The following PCDH9 variants were observed in gnomAD, a reference collection of about 807,000 sequenced individuals.
PCDH9 encodes the protein protocadherin-9.
In PCDH9, 24 loss-of-function variants were observed where a neutral mutation model predicts 70.6. That is an observed-to-expected ratio of 0.34 (90% CI 0.25 to 0.48). The LOEUF (loss-of-function observed/expected upper bound fraction) is 0.48. Among genes scored for constraint, PCDH9 ranks in the 20% least tolerant of loss-of-function variants. PCDH9 has a pLI of 0.99. For synonymous variants in PCDH9, 562 were observed against 558.5 expected, an observed-to-expected ratio of 1.01 and a Z score of -0.09; for missense variants, 1,281 against 1,503.6, an observed-to-expected ratio of 0.85 and a Z score of 2.45.
chr13:66,737,996 A>G (rs2079184000), intron 3 of PCDH9, among the ~76,000 whole-genome samples: 1 of 152,174 alleles, frequency 6.6e-6, no homozygotes, highest in African/African-American at 2.4e-5. Context: ...AGCCCACCAC[A>G]GCTCAAGGAG....
intron 3 of PCDH9, among the ~76,000 whole-genome samples, chr13:66,730,867 T>TGG (rs2079064815): frequency 1.3e-4 from 12 of 92,224 alleles, no homozygotes; most frequent in African/African-American, 4.3e-4. Context: ...TGTTTTTTTG[T>TGG]GTGTGTGTGT....
At chr13:66,954,760 T>TTTTTG (rs547130551) in intron 2 of PCDH9, among the ~76,000 whole-genome samples, 108 of 152,256 alleles carry the variant, frequency 7.1e-4, no homozygotes, top group African/African-American at 2.5e-3. Context: ...GATAGAACTT[T>TTTTTG]TTTTGTTTTG....
intron 4 of PCDH9, among the ~76,000 whole-genome samples, chr13:66,469,099 T>C (rs1159999088): frequency 6.6e-6 from 1 of 152,132 alleles, no homozygotes; most frequent in Non-Finnish European, 1.5e-5. Flanking sequence ...GCCAGGCTAA[T>C]ATATTTCTCA....
At chr13:66,597,089 C>T (rs117328565) in intron 4 of PCDH9, among the ~76,000 whole-genome samples, 2,048 of 151,708 alleles carry the variant, frequency 0.013, 32 homozygotes, top group East Asian at 0.039. Flanking sequence ...CATTAGTCAG[C>T]TGACCATCTA....
intron 3 of PCDH9, among the ~76,000 whole-genome samples, chr13:66,901,432 T>A (rs2139593840): frequency 6.6e-6 from 1 of 151,870 alleles, no homozygotes; most frequent in Non-Finnish European, 1.5e-5. Flanking sequence ...TCACAGATCA[T>A]CAGGGATGGG....
chr13:66,428,436 T>C (rs117626616), intron 4 of PCDH9, among the ~76,000 whole-genome samples: 3,329 of 151,840 alleles, frequency 0.022, 62 homozygotes, highest in Non-Finnish European at 0.035. Context: ...AGCAAGGGAT[T>C]TTATAGAATA....
chr13:66,963,909 T>A (rs2083390471), intron 2 of PCDH9, among the ~76,000 whole-genome samples: 1 of 152,038 alleles, frequency 6.6e-6, no homozygotes, highest in African/African-American at 2.4e-5. Context: ...AGGTGTAACA[T>A]GTTAGATGTT....
chr13:66,823,772 A>G (rs1413174045), intron 3 of PCDH9, among the ~76,000 whole-genome samples: 2 of 152,158 alleles, frequency 1.3e-5, no homozygotes, highest in African/African-American at 4.8e-5. Flanking sequence ...AACTCATACA[A>G]TTGTCCACAA....
intron 4 of PCDH9, among the ~76,000 whole-genome samples, chr13:66,397,913 A>G (rs1361854780): frequency 6.6e-6 from 1 of 151,960 alleles, no homozygotes; most frequent in Non-Finnish European, 1.5e-5. Flanking sequence ...GTCTTTGTGA[A>G]GTAATCAGTA....
chr13:67,229,329 C>A (rs888063632), intron 1 of PCDH9, among the ~76,000 whole-genome samples: 1 of 152,092 alleles, frequency 6.6e-6, no homozygotes, highest in African/African-American at 2.4e-5. Context: ...GAAGAGAGTG[C>A]CGAGATATAA....
intron 2 of PCDH9, chr13:67,214,974 T>TATATATATATATATA (rs2089567662): frequency 8.4e-5 from 4 of 47,694 alleles, no homozygotes; most frequent in Admixed American, 2.3e-4. Flanking sequence ...ATATATATAT[T>TATATATATATATATA]CACTTAATCT....
At chr13:66,891,397 AC>A (rs1187368615) in intron 3 of PCDH9, among the ~76,000 whole-genome samples, 2 of 152,158 alleles carry the variant, frequency 1.3e-5, no homozygotes, top group Admixed American at 6.6e-5. Context: ...AAATGAATGA[AC>A]AAACCAACCA....
chr13:67,127,474 G>C (rs1420559362), intron 2 of PCDH9, among the ~76,000 whole-genome samples: 1 of 152,114 alleles, frequency 6.6e-6, no homozygotes, highest in Non-Finnish European at 1.5e-5. Flanking sequence ...GATGGAGCTT[G>C]GTAGTGATTC....
At chr13:66,307,564 A>G (rs1291884031) in intron 4 of PCDH9, among the ~76,000 whole-genome samples, 4 of 152,100 alleles carry the variant, frequency 2.6e-5, no homozygotes, top group Non-Finnish European at 4.4e-5. Flanking sequence ...AATGGAGTTA[A>G]TCACCAATTT....
intron 4 of PCDH9, among the ~76,000 whole-genome samples, chr13:66,563,103 A>T (rs2076600506): frequency 6.6e-6 from 1 of 152,074 alleles, no homozygotes; most frequent in African/African-American, 2.4e-5. Context: ...GGAATCAGAG[A>T]TTGCCATGTT....
chr13:66,437,731 G>T (rs546085400), intron 4 of PCDH9, among the ~76,000 whole-genome samples: 76 of 152,130 alleles, frequency 5.0e-4, no homozygotes, highest in Non-Finnish European at 1.0e-3. Flanking sequence ...ATTCTGCTTG[G>T]CTTGGCAGTA....
At chr13:66,655,028 A>T (rs2077909870) in intron 3 of PCDH9, among the ~76,000 whole-genome samples, 1 of 149,404 alleles carries the variant, frequency 6.7e-6, no homozygotes, top group African/African-American at 2.5e-5. Flanking sequence ...ACCCTGTGGC[A>T]TTTTTTTTTT....
intron 4 of PCDH9, among the ~76,000 whole-genome samples, chr13:66,314,601 A>G (rs1955617825): frequency 6.6e-6 from 1 of 152,168 alleles, no homozygotes. Flanking sequence ...ATATCAGTAT[A>G]TTTGACTATC....
At chr13:66,425,893 T>C (rs940820250) in intron 4 of PCDH9, among the ~76,000 whole-genome samples, 1 of 151,570 alleles carries the variant, frequency 6.6e-6, no homozygotes, top group Admixed American at 6.6e-5. Context: ...GAGCCAAGGG[T>C]GACTCATGAG....
Sources: allele counts gnomAD v4.1 joint callset (sites outside exome capture counted in the v4.1 genomes callset), GRCh38; gene constraint gnomAD v4.1.1; transcripts MANE v1.5; gene names NCBI Gene and HGNC (gene_info 2026-07-23, HGNC 2026-07-21).